The following FUCA1 variants were observed in gnomAD, a reference collection of about 807,000 sequenced individuals.
FUCA1 encodes the protein alpha-L-fucosidase 1.
FUCA1 carries 52 observed loss-of-function variants against 56.8 expected under a neutral mutation model. The observed-to-expected ratio is 0.92, with a 90% CI of 0.73 to 1.15. The LOEUF (loss-of-function observed/expected upper bound fraction) is 1.15, where lower values mean the gene tolerates loss of function less well. Ranked by LOEUF, FUCA1 falls within the 50% of genes most tolerant of loss-of-function variation. The pLI, the probability that FUCA1 is intolerant of heterozygous loss-of-function variation, is 0.00. For missense variants in FUCA1, 568 were observed against 592.6 expected, an observed-to-expected ratio of 0.96 and a Z score of 0.43; for synonymous variants, 230 against 226.6, an observed-to-expected ratio of 1.02 and a Z score of -0.14.
At chr1:23,852,382 A>G (rs1044528955) in intron 5 of FUCA1, among the ~76,000 whole-genome samples, 4 of 151,898 alleles carry the variant, frequency 2.6e-5, no homozygotes, top group African/African-American at 9.7e-5. Flanking sequence ...TGATCGTGCC[A>G]CTGCGCTATT....
chr1:23,862,340 A>G (rs538761537), intron 3 of FUCA1, among the ~76,000 whole-genome samples: 37 of 152,086 alleles, frequency 2.4e-4, no homozygotes, highest in Non-Finnish European at 4.1e-4. Context: ...CAATTTTTGT[A>G]TTTTTTAGTA....
Position 23,868,272 on chromosome 1 carries a change from C to G in FUCA1, c.15G>C (p.Gly5=), listed in dbSNP as rs746017062. Residue 5 remains glycine (G), a synonymous_variant, in exon 1 of 8, where the codon GGG becomes GGC. Transcript: ENST00000374479. MRAP[G]MRSRPAGPAL... is the part of the protein sequence containing the mutation. ...CGGGACCCGCCGGCCGCGACCTCAT[C>G]CCCGGAGCCCGCATCGCTACCCCTC... The G allele has an allele frequency of 5.2e-6, 8 of 1,552,562 alleles. No homozygotes were observed. Among genetic ancestry groups the G allele is most frequent in the Non-Finnish European group, 6.9e-6 (8 of 1,151,108 alleles).
In FUCA1 at chr1:23,863,205, C is replaced by G; in HGVS notation, c.591G>C (p.Lys197Asn). 6.2e-7 allele frequency: 1 copy of G among 1,613,886 alleles called. No individual in the cohort carries two copies. Reference protein sequence around the residue: ...EWFHPLYLLDKKNGFKTQHFV... With the variant: ...EWFHPLYLLDNKNGFKTQHFV... The stretch of plus-strand genomic sequence containing the variant: ...AATGCTGTGTTTTGAAGCCATTTTT[C>G]TTATCAAGTAGATAGAGTGGATGGA... Residue 197 changes from lysine (K) to asparagine (N), a missense_variant, in exon 3 of 8, where the codon AAG (lysine) becomes AAC (asparagine). Transcript: ENST00000374479.
rs552458980 is a variant in FUCA1 at position 23,867,644 on chromosome 1, G to C, written c.389+254C>G. The C allele has an allele frequency of 2.3e-6, 2 of 858,162 alleles. No individual in the cohort carries two copies. The highest frequency in any genetic ancestry group is 1.2e-4 in the East Asian group (1 of 8,282). The allele number at this position is 858,162 out of a possible 1,614,324, so 53.2% of individuals were successfully genotyped here. A position where few individuals can be genotyped will look rare whatever the true frequency, so the allele number is the denominator to read the frequency against. ...GGTATGGCCTAACTCAGCCCTCTCG[G>C]TGCACAGGTGCAGATACCCAGGGCT... is the stretch of plus-strand genomic sequence containing the variant. On this transcript the variant is annotated intron_variant, in intron 1 of 7. Transcript: ENST00000374479. The surrounding 1 kb of genome is among the most constrained non-coding windows in gnomAD (Gnocchi z 4.9).
At position 23,867,910 on chromosome 1, in the gene FUCA1, G is replaced by T. The variant is rs780117609; in HGVS notation, c.377C>A (p.Ala126Asp). The T allele has an allele frequency of 1.3e-6, 2 of 1,550,002 alleles. No individual in the cohort carries two copies. The highest frequency in any genetic ancestry group is 1.2e-5 in the South Asian group (1 of 84,100). Residue 126 changes from alanine to aspartate, a missense_variant, in exon 1 of 8, where the codon GCC (alanine) becomes GAC (aspartate). Ala to Asp is a moderately radical substitution (Grantham distance 126). Coordinates refer to ENST00000374479, the MANE Select transcript of FUCA1 (RefSeq NM_000147.5). The surrounding 1 kb of genome is among the most constrained non-coding windows in gnomAD (Gnocchi z 4.9). ...HPEEWADLFQ[A>D]AGAKYVVLTT... Reference sequence around the variant, plus strand: ...GGACCACACTCACTTGGCGCCCGCGGCCTGGAAGAGGTCGGCCCACTCCTC... The same window carrying T: ...GGACCACACTCACTTGGCGCCCGCGTCCTGGAAGAGGTCGGCCCACTCCTC...
At chr1:23,857,513 T>G (rs1639417395) in intron 4 of FUCA1, among the ~76,000 whole-genome samples, 2 of 152,028 alleles carry the variant, frequency 1.3e-5, no homozygotes, top group African/African-American at 4.8e-5. Context: ...TTTTTTTTTT[T>G]GTGAGACAGA....
In FUCA1 at chr1:23,865,624, A is replaced by C; in HGVS notation, c.391T>G (p.Tyr131Asp). 6.2e-7 allele frequency: 1 copy of C among 1,614,200 alleles called. No homozygotes were observed. Among genetic ancestry groups the C allele is most frequent in the Non-Finnish European group, 8.5e-7 (1 of 1,180,046 alleles). The change falls in exon 2 of 8, where the codon TAT becomes GAT. Residue 131 changes from tyrosine to aspartate, a missense_variant and splice_region_variant. Physicochemically the swap from Tyr to Asp is radical, Grantham distance 160. Transcript: ENST00000374479. ...TGATGCTTTGTCGTCAAAACTACAT[A>C]CCTGTGGACAGCAAAACCACATGAG... is the stretch of plus-strand genomic sequence containing the variant. ...ADLFQAAGAK[Y>D]VVLTTKHHEG...
chr1:23,862,634 A>C (rs1205852464), intron 3 of FUCA1, among the ~76,000 whole-genome samples: 1 of 152,236 alleles, frequency 6.6e-6, no homozygotes, highest in Non-Finnish European at 1.5e-5. Context: ...TTTAAAGAAT[A>C]ATGGTAATAA....
rs16828754 is a variant in FUCA1, at chr1:23,845,446, T to A, written c.*269A>T. ...AGAGGGAAGATTCCATTGTAGATAA[T>A]TTCCAAATATTACAATTGATGAACT... On this transcript the variant is annotated 3_prime_UTR_variant, in exon 8 of 8. Coordinates refer to ENST00000374479, the MANE Select transcript of FUCA1 (RefSeq NM_000147.5). 549 of 498,942 alleles carry A rather than the reference T, an allele frequency of 1.1e-3. 7 individuals are homozygous for A. Among genetic ancestry groups the A allele is most frequent in the African/African-American group, 9.9e-3 (512 of 51,744 alleles). 30.9% of individuals were successfully genotyped at this position (498,942 alleles called of 1,614,324 possible).
intron 5 of FUCA1, among the ~76,000 whole-genome samples, chr1:23,849,575 CTTTTTTTTTT>C (rs991049814): frequency 9.5e-4 from 76 of 80,266 alleles, no homozygotes; most frequent in African/African-American, 3.3e-3. Context: ...GAGATACGTT[CTTTTTTTTTT>C]TTTTTTTTTT....
intron 3 of FUCA1, among the ~76,000 whole-genome samples, chr1:23,860,249 T>C (rs781653101): frequency 2.6e-5 from 4 of 152,096 alleles, no homozygotes; most frequent in Admixed American, 6.6e-5. Context: ...CTGAAAACAT[T>C]TGCTAATAAA....
At chr1:23,863,881 A>G (rs1639563624) in intron 2 of FUCA1, among the ~76,000 whole-genome samples, 1 of 152,060 alleles carries the variant, frequency 6.6e-6, no homozygotes, top group Non-Finnish European at 1.5e-5. Context: ...ACAAAACAAA[A>G]AACCATATAG....
intron 3 of FUCA1, 36 bp from the exon 4 acceptor site, chr1:23,859,939 T>C (rs1350331125): frequency 7.2e-7 from 1 of 1,386,506 alleles, no homozygotes; most frequent in Non-Finnish European, 1.0e-6. Context: ...GCTTATTATC[T>C]GAACATGTTC....
chr1:23,865,633 C>G lies in FUCA1; in HGVS notation c.390-8G>C, dbSNP rs1255745359. ...GTCGTCAAAACTACATACCTGTGGA[C>G]AGCAAAACCACATGAGCAAAGGAAG... On this transcript the variant is annotated splice_region_variant and splice_polypyrimidine_tract_variant and intron_variant, in intron 1 of 7. Transcript: ENST00000374479. 1 of 1,614,198 alleles carries G rather than the reference C, an allele frequency of 6.2e-7. No homozygotes were observed. The highest frequency in any genetic ancestry group is 1.1e-5 in the South Asian group (1 of 91,090).
In FUCA1 at chr1:23,850,208, C is replaced by T. The variant is rs145841609; in HGVS notation, c.970-1369G>A. On this transcript the variant is annotated intron_variant, in intron 5 of 7. Coordinates refer to ENST00000374479, the MANE Select transcript of FUCA1 (RefSeq NM_000147.5). ...GTAGGCACCTGTAGTCCCAGCTATG[C>T]GGGAGGCTGAGGCAAGAGAATCACT... Among the ~76,000 whole-genome samples, 679 of 149,040 alleles carry T rather than the reference C, an allele frequency of 4.6e-3. 3 individuals carry two copies. Among genetic ancestry groups the T allele is most frequent in the African/African-American group, 0.016 (638 of 40,670 alleles).
chr1:23,859,930 CTTA>C (rs1165881026), intron 3 of FUCA1, 27 bp from the exon 4 acceptor site: 1 of 1,430,836 alleles, frequency 7.0e-7, no homozygotes, highest in African/African-American at 1.4e-5. Flanking sequence ...CAGGACAGAG[CTTA>C]TTATCTGAAC....
Position 23,845,789 on chromosome 1 carries a change from A to G in FUCA1, c.1327T>C (p.Ser443Pro). The G allele has an allele frequency of 6.2e-7, 1 of 1,614,170 alleles. No homozygotes were observed. The highest frequency in any genetic ancestry group is 1.1e-5 in the South Asian group (1 of 91,076). Residue 443 changes from serine to proline, a missense_variant, in exon 8 of 8, where the codon TCT (serine) becomes CCT (proline). Ser to Pro is a moderately conservative substitution (Grantham distance 74). Transcript: ENST00000374479. ...GCAGAGGGTGGCAACTGGGGTAGAG[A>G]GATGAAGAGACCTTTATCTGGATCT... The part of the protein sequence containing the change: ...STDPDKGLFI[S>P]LPQLPPSAVP...
intron 5 of FUCA1, among the ~76,000 whole-genome samples, chr1:23,852,293 C>T (rs1240780485): frequency 1.3e-5 from 2 of 151,858 alleles, no homozygotes; most frequent in Non-Finnish European, 2.9e-5. Context: ...TAGAGGTGCA[C>T]ACCTGTAGTT....
chr1:23,864,697 G>T (rs879155703), intron 2 of FUCA1, among the ~76,000 whole-genome samples: 30 of 149,634 alleles, frequency 2.0e-4, no homozygotes, highest in Non-Finnish European at 3.4e-4. Flanking sequence ...AACTCTTTTT[G>T]TCTTTTTTCT....
Sources: gnomAD v4.1 joint callset for allele counts (sites outside exome capture counted in the v4.1 genomes callset) on GRCh38, gnomAD v4.1.1 for gene constraint, Gnocchi (gnomAD v3.1) non-coding constraint, MANE v1.5 for transcripts, NCBI Gene and HGNC (gene_info 2026-07-23, HGNC 2026-07-21) for gene names.